SDHC: variants seen among roughly 807,000 people sequenced by gnomAD.
SDHC encodes succinate dehydrogenase cytochrome b560 subunit, mitochondrial.
A neutral mutation model predicts 22.6 loss-of-function variants in SDHC; 11 were observed. That is an observed-to-expected ratio of 0.49 (90% confidence interval 0.31 to 0.81). The LOEUF (loss-of-function observed/expected upper bound fraction) is 0.81. Among genes scored for constraint, SDHC ranks in the 30% least tolerant of loss-of-function variants. The pLI is 0.05. For synonymous variants in SDHC, 80 were observed against 77.8 expected, an observed-to-expected ratio of 1.03 and a Z score of -0.15; for missense variants, 160 against 212.0, an observed-to-expected ratio of 0.75 and a Z score of 1.52.
At chr1:161,341,685 CTTTA>C (rs1399647347) in intron 4 of SDHC, among the ~76,000 whole-genome samples, 1 of 152,074 alleles carries the variant, frequency 6.6e-6, no homozygotes, top group African/African-American at 2.4e-5. Flanking sequence ...TTTAGCTTTC[CTTTA>C]TTTAGCCTTA....
At chr1:161,314,569 A>G in intron 1 of SDHC, 144 bp downstream of exon 1, 1 of 961,942 alleles carries the variant, frequency 1.0e-6, no homozygotes, top group African/African-American at 1.6e-5. Context: ...CGGGGATCCT[A>G]GAGACCCCTT....
chr1:161,316,036 A>G lies in SDHC; in HGVS notation c.20+1611A>G, dbSNP rs192690840. On this transcript the variant is annotated intron_variant, in intron 1 of 5. Coordinates refer to ENST00000367975, the MANE Select transcript of SDHC (RefSeq NM_003001.5). Reference sequence around the variant, plus strand: ...TAAACATCTCAATGCCTTGAAGAGCAGTATTGCTGCCCACATGTCCCATCT... The same window carrying G: ...TAAACATCTCAATGCCTTGAAGAGCGGTATTGCTGCCCACATGTCCCATCT... 3.3e-5 allele frequency among the ~76,000 whole-genome samples: 5 copies of G among 152,316 alleles called. No homozygotes were observed. The East Asian group carries it at 7.7e-4, about 24-fold the overall frequency.
chr1:161,325,390 A>G lies in SDHC; in HGVS notation c.77+1720A>G, dbSNP rs1558165618. Among the ~76,000 whole-genome samples, 3 of 151,904 alleles carry G rather than the reference A, an allele frequency of 2.0e-5. No individual in the cohort carries two copies. In the East Asian group the frequency reaches 5.8e-4, roughly 29 times the overall value. On this transcript the variant is annotated intron_variant, in intron 2 of 5. Transcript: ENST00000367975. ...AAATAAGAAACAGCTATCCTCAACA[A>G]TTTAGTAGGCTGGGCATGGTGGCTC...
intron 2 of SDHC, 41 bp from the exon 3 acceptor site, chr1:161,328,355 T>C (rs754156801): frequency 6.9e-7 from 1 of 1,458,168 alleles, no homozygotes; most frequent in South Asian, 1.1e-5. Flanking sequence ...TTAAACCAAG[T>C]TTACTTTTAG....
intron 1 of SDHC, chr1:161,314,634 C>G: frequency 1.6e-6 from 1 of 612,958 alleles, no homozygotes; most frequent in East Asian, 2.8e-5. Context: ...GGGTCACTGA[C>G]TTCGTATCGA....
intron 4 of SDHC, among the ~76,000 whole-genome samples, chr1:161,352,868 T>A (rs1321726796): frequency 1.3e-5 from 2 of 152,070 alleles, no homozygotes; most frequent in African/African-American, 4.8e-5. Flanking sequence ...TCCCAGCTAC[T>A]CGGGAGGCTG....
chr1:161,322,553 TTTTG>T (rs977962151), intron 1 of SDHC, among the ~76,000 whole-genome samples: 4 of 151,342 alleles, frequency 2.6e-5, no homozygotes, highest in African/African-American at 7.3e-5. Flanking sequence ...TTAAACCTTT[TTTTG>T]TTTGTTTGTT....
intron 3 of SDHC, among the ~76,000 whole-genome samples, chr1:161,339,408 ACTC>A (rs1412405621): frequency 6.9e-6 from 1 of 145,008 alleles, no homozygotes; most frequent in Non-Finnish European, 1.5e-5. Context: ...TTGACCTTGA[ACTC>A]CTGAACTCAA....
At chr1:161,316,432 G>GT (rs1558160402) in intron 1 of SDHC, among the ~76,000 whole-genome samples, 1 of 152,252 alleles carries the variant, frequency 6.6e-6, no homozygotes, top group Admixed American at 6.5e-5. Flanking sequence ...TCAAGCATTT[G>GT]TTTAACAAAG....
At chr1:161,337,959 ACT>A (rs1161680272) in intron 3 of SDHC, among the ~76,000 whole-genome samples, 1 of 152,158 alleles carries the variant, frequency 6.6e-6, no homozygotes, top group Non-Finnish European at 1.5e-5. Flanking sequence ...TCTGTTTCAC[ACT>A]CTTGTCATCA....
chr1:161,323,549 G>C, intron 1 of SDHC, 65 bp from the exon 2 acceptor site: 1 of 1,236,488 alleles, frequency 8.1e-7, no homozygotes, highest in African/African-American at 1.5e-5. Context: ...CCTAAAAATA[G>C]AGAAGTTGAT....
chr1:161,349,163 A>T (rs1672012596), intron 4 of SDHC, among the ~76,000 whole-genome samples: 1 of 152,176 alleles, frequency 6.6e-6, no homozygotes, highest in Admixed American at 6.5e-5. Flanking sequence ...TGTTTTGGGT[A>T]GTCTTTAAAA....
chr1:161,360,888 G>A (rs1672484939), intron 5 of SDHC, among the ~76,000 whole-genome samples: 1 of 152,108 alleles, frequency 6.6e-6, no homozygotes, highest in East Asian at 1.9e-4. Context: ...TGAGGAGGGT[G>A]TATCACTTGA....
chr1:161,326,401 G>A (rs1671050122), intron 2 of SDHC, among the ~76,000 whole-genome samples: 1 of 151,926 alleles, frequency 6.6e-6, no homozygotes, highest in Non-Finnish European at 1.5e-5. Flanking sequence ...TGGATCTCAT[G>A]TAGGAAGGAA....
At chr1:161,358,032 C>CCTTT (rs1672349317) in intron 5 of SDHC, among the ~76,000 whole-genome samples, 1 of 104,830 alleles carries the variant, frequency 9.5e-6, no homozygotes. Flanking sequence ...GGTTAGGAAT[C>CCTTT]TTTTTTTTTT....
intron 3 of SDHC, among the ~76,000 whole-genome samples, chr1:161,331,294 GTC>G (rs1452851802): frequency 6.6e-6 from 1 of 151,570 alleles, no homozygotes; most frequent in African/African-American, 2.4e-5. Context: ...TCCAGACAGA[GTC>G]TCACCCAGTC....
At chr1:161,339,382 C>T (rs1203573968) in intron 3 of SDHC, among the ~76,000 whole-genome samples, 2 of 149,394 alleles carry the variant, frequency 1.3e-5, no homozygotes, top group African/African-American at 4.9e-5. Flanking sequence ...GATGGGGTCT[C>T]ATTACGTTGC....
At chr1:161,336,703 T>TA (rs1558172054) in intron 3 of SDHC, among the ~76,000 whole-genome samples, 1 of 152,128 alleles carries the variant, frequency 6.6e-6, no homozygotes, top group Non-Finnish European at 1.5e-5. Flanking sequence ...CAGGGAAAGA[T>TA]ATCTGAGATA....
At chr1:161,316,585 C>A (rs1670626676) in intron 1 of SDHC, among the ~76,000 whole-genome samples, 1 of 152,188 alleles carries the variant, frequency 6.6e-6, no homozygotes, top group Admixed American at 6.5e-5. Flanking sequence ...ACAATCTGAT[C>A]TCTCTTTCTT....
Sources: allele counts gnomAD v4.1 joint callset (sites outside exome capture counted in the v4.1 genomes callset), GRCh38; gene constraint gnomAD v4.1.1; transcripts MANE v1.5; gene names NCBI Gene and HGNC (gene_info 2026-07-23, HGNC 2026-07-21).